CNTNAP1: variants seen among roughly 807,000 people sequenced by gnomAD.
CNTNAP1 encodes contactin-associated protein 1.
Under a neutral mutation model 161.5 loss-of-function variants are expected in CNTNAP1, and 80 were observed. The ratio of observed to expected loss-of-function variants is 0.50; its 90% CI spans 0.41 to 0.60. CNTNAP1 has a LOEUF of 0.60. Ranked by LOEUF, CNTNAP1 falls within the 20% of genes least tolerant of loss-of-function variation. The pLI is 0.00. For missense variants in CNTNAP1, 1,464 were observed against 1,854.8 expected (o/e 0.79, Z 3.87); for synonymous variants, 695 against 733.1 (o/e 0.95, Z 0.84).
rs778473430 is a variant in CNTNAP1, at chr17:42,698,703, T to C, written c.3948T>C (p.His1316=). ...ATCATCGCTATAAGGGCTCCTACCA[T>C]ACCAATGAGCCCAAGGCTGCCCACG... ...LQNHRYKGSY[H]TNEPKAAHEY... is the part of the protein sequence containing the mutation. The change falls in exon 24 of 24, where the codon CAT becomes CAC. Residue 1316 remains histidine (H), a synonymous_variant. Coordinates refer to ENST00000264638, the MANE Select transcript of CNTNAP1 (RefSeq NM_003632.3). 1.9e-6 allele frequency: 3 copies of C among 1,613,560 alleles called. No homozygotes were observed. The highest frequency in any genetic ancestry group is 2.5e-6 in the Non-Finnish European group (3 of 1,179,830).
In CNTNAP1 at chr17:42,698,823, C is replaced by A. The variant is rs756754465; in HGVS notation, c.4068C>A (p.Ala1356=). 1.2e-5 allele frequency: 20 copies of A among 1,603,014 alleles called. No homozygotes were observed. The highest frequency in any genetic ancestry group is 1.7e-5 in the Non-Finnish European group (20 of 1,178,834). Reference sequence around the variant, plus strand: ...CTCCCAACCAAGCTCCAGCCTCAGCCCCAGCCCCAGCCCCAACTCCAGCCC... The same window carrying A: ...CTCCCAACCAAGCTCCAGCCTCAGCACCAGCCCCAGCCCCAACTCCAGCCC... The part of the protein sequence containing the change: ...TAAPNQAPAS[A]PAPAPTPAPA... The change falls in exon 24 of 24, where the codon GCC becomes GCA. Residue 1356 remains alanine, a synonymous_variant. Coordinates refer to ENST00000264638, the MANE Select transcript of CNTNAP1 (RefSeq NM_003632.3).
Position 42,686,076 on chromosome 17 carries a change from C to G in CNTNAP1, c.835C>G (p.Leu279Val), listed in dbSNP as rs1567970220. Residue 279 changes from leucine (L) to valine (V), a missense_variant, in exon 6 of 24, where the codon CTG becomes GTG. Around this residue, in one of 3 missense-constraint regions of CNTNAP1, gnomAD observed 1,383 missense variants for 1,765.0 expected, o/e 0.78. Coordinates refer to ENST00000264638, the MANE Select transcript of CNTNAP1 (RefSeq NM_003632.3). ...ATTTGGCCGCGATGTAAATTTCACC[C>G]TGGACGGCTATGTGCAGCGCTTTAT... ...DRFGRDVNFTLDGYVQRFILN... is the reference protein window; with the variant it reads ...DRFGRDVNFTVDGYVQRFILN... 2.5e-6 allele frequency: 4 copies of G among 1,614,192 alleles called. No individual in the cohort carries two copies. The highest frequency in any genetic ancestry group is 3.4e-6 in the Non-Finnish European group (4 of 1,180,036).
rs2053116726 is a variant in CNTNAP1, at chr17:42,693,425, T to C, written c.2881T>C (p.Cys961Arg). ...TACCTCACCCAACTGCACAGGCCAC[T>C]GTGCCCACCCTCGGCTCCCCTGTTT... ...EGTSPNCTGH[C>R]AHPRLPCFHG... The change falls in exon 18 of 24, where the codon TGT becomes CGT. Residue 961 changes from cysteine (C) to arginine (R), a missense_variant. Physicochemically the swap from Cys to Arg is radical, Grantham distance 180. This residue lies in a region of CNTNAP1 where 1,383 missense variants were observed against 1,765.0 expected (regional missense o/e 0.78). Transcript: ENST00000264638. The C allele has an allele frequency of 1.9e-6, 3 of 1,614,230 alleles. No homozygotes were observed. The highest frequency in any genetic ancestry group is 2.5e-6 in the Non-Finnish European group (3 of 1,180,042).
At position 42,688,778 on chromosome 17, in the gene CNTNAP1, C is replaced by G. The variant is rs1009758862; in HGVS notation, c.1457-98C>G. 2.0e-6 allele frequency: 3 copies of G among 1,536,238 alleles called. No homozygotes were observed. In the African/African-American group the frequency reaches 4.1e-5, roughly 21 times the overall value. On this transcript the variant is annotated intron_variant, in intron 9 of 23. Transcript: ENST00000264638. ...GCCATCTACACTTTGGTTGTAGTCC[C>G]CTTTCTTCCTTTATGTCTGGCTCCC...
Position 42,691,722 on chromosome 17 carries a change from C to A in CNTNAP1, c.2345-84C>A, listed in dbSNP as rs2053088409. ...CCTCAAACCCTCCCCCTTTGCCCAA[C>A]CTTCCCTGCCCCCAACCCCAGGTTC... On this transcript the variant is annotated intron_variant, in intron 15 of 23. Coordinates refer to ENST00000264638, the MANE Select transcript of CNTNAP1 (RefSeq NM_003632.3). The surrounding 1 kb of genome is among the most constrained non-coding windows in gnomAD (Gnocchi z 4.3). The A allele has an allele frequency of 3.0e-5, 44 of 1,475,904 alleles. No homozygotes were observed. In the South Asian group the frequency reaches 4.8e-4, roughly 16 times the overall value. 91.4% of individuals were successfully genotyped at this position (1,475,904 alleles called of 1,614,324 possible).
At chr17:42,695,490 G>T in intron 18 of CNTNAP1, 31 bp from the exon 19 acceptor site, 1 of 1,548,646 alleles carries the variant, frequency 6.5e-7, no homozygotes, top group South Asian at 1.2e-5. Context: ...GAGCAGTGTG[G>T]GGGCCCTAAC....
At chr17:42,698,049 G>A in intron 23 of CNTNAP1, 99 bp downstream of exon 23, 1 of 1,311,994 alleles carries the variant, frequency 7.6e-7, no homozygotes, top group East Asian at 2.3e-5. Context: ...GGATGGCAAA[G>A]GCACTAGATG....
rs565566830 is a variant in CNTNAP1, at chr17:42,695,588, A to T, written c.3060A>T (p.Ala1020=). ...RYNLQSALRS[A]AREFSHMLSR... ...ACCTACAGTCAGCGCTGCGCTCTGC[A>T]GCCAGGGAGTTCTCCCACATGCTGA... The change falls in exon 19 of 24, where the codon GCA becomes GCT. Residue 1020 remains alanine (A), a synonymous_variant. Transcript: ENST00000264638. The T allele has an allele frequency of 6.2e-7, 1 of 1,614,168 alleles. No homozygotes were observed. The highest frequency in any genetic ancestry group is 8.5e-7 in the Non-Finnish European group (1 of 1,180,024).
At chr17:42,690,713 A>C (rs1040700184) in intron 12 of CNTNAP1, 26 bp from the exon 13 acceptor site, 14 of 1,605,084 alleles carry the variant, frequency 8.7e-6, no homozygotes, top group Non-Finnish European at 1.2e-5. Flanking sequence ...ACTCCAGCCA[A>C]AGCTCTGTCC....
At chr17:42,686,458 GA>G (rs895531807) in intron 6 of CNTNAP1, among the ~76,000 whole-genome samples, 110 of 133,180 alleles carry the variant, frequency 8.3e-4, no homozygotes, top group African/African-American at 3.0e-3. Context: ...CCACTCACCA[GA>G]AAAAGGCCTG....
rs2052997750 is a variant in CNTNAP1 at position 42,685,757 on chromosome 17, C to T, written c.716-200C>T. ...ACACCCGCACATGAAATAGAAGCAG[C>T]TCATGTGTTCCCAGTTTTACAGACA... On this transcript the variant is annotated intron_variant, in intron 5 of 23. Transcript: ENST00000264638. This position sits in a 1 kb window ranked among gnomAD's most constrained non-coding sequence, Gnocchi z 5.0. Among the ~76,000 whole-genome samples the T allele has an allele frequency of 1.3e-5, 2 of 152,224 alleles. No individual in the cohort carries two copies. Among genetic ancestry groups the T allele is most frequent in the East Asian group, 1.9e-4 (1 of 5,202 alleles).
In CNTNAP1 at chr17:42,685,389, G is replaced by A; in HGVS notation, c.684G>A (p.Glu228=). ...GCGACTACGTGACGCTCGAGCTGGA[G>A]GGGGCACACCTGCTGCTGCACATGA... ...AQGDYVTLEL[E]GAHLLLHMSL... Residue 228 remains glutamate (E), a synonymous_variant, in exon 5 of 24, where the codon GAG becomes GAA. Coordinates refer to ENST00000264638, the MANE Select transcript of CNTNAP1 (RefSeq NM_003632.3). The surrounding 1 kb of genome is among the most constrained non-coding windows in gnomAD (Gnocchi z 5.0). 6.2e-7 allele frequency: 1 copy of A among 1,604,740 alleles called. No individual in the cohort carries two copies. Among genetic ancestry groups the A allele is most frequent in the Non-Finnish European group, 8.5e-7 (1 of 1,179,938 alleles).
chr17:42,695,425 GAAGT>G (rs924401523), intron 18 of CNTNAP1, 92 bp from the exon 19 acceptor site: 2 of 992,406 alleles, frequency 2.0e-6, no homozygotes, highest in African/African-American at 1.6e-5. Context: ...GGCAGAAACT[GAAGT>G]AAGTCTCAGG....
At position 42,682,786 on chromosome 17, in the gene CNTNAP1, G is replaced by T. The variant is rs377623206; in HGVS notation, c.-44G>T. ...CCAAGCCAGAACTCGAGCCCTAGCC[G>T]GAGCCGTTCACAGGGAGGCGGCTGC... On this transcript the variant is annotated 5_prime_UTR_variant, in exon 1 of 24. Coordinates refer to ENST00000264638, the MANE Select transcript of CNTNAP1 (RefSeq NM_003632.3). 3 of 1,543,606 alleles carry T rather than the reference G, an allele frequency of 1.9e-6. No homozygotes were observed. In the African/African-American group the frequency reaches 4.1e-5, roughly 21 times the overall value.
At position 42,691,073 on chromosome 17, in the gene CNTNAP1, G is replaced by A. The variant is rs570981707; in HGVS notation, c.2060-64G>A. 15 of 1,600,134 alleles carry A rather than the reference G, an allele frequency of 9.4e-6. No homozygotes were observed. The Admixed American group carries it at 1.9e-4, about 20-fold the overall frequency. On this transcript the variant is annotated intron_variant, in intron 13 of 23. Coordinates refer to ENST00000264638, the MANE Select transcript of CNTNAP1 (RefSeq NM_003632.3). This position sits in a 1 kb window ranked among gnomAD's most constrained non-coding sequence, Gnocchi z 4.3. ...GGAGGGGTCTGAACTCGCTGGAAGG[G>A]CGAGAGGAGCCCAGAGGCTAATGGA...
Position 42,687,715 on chromosome 17 carries a change from C to G in CNTNAP1, c.1045-5C>G. On this transcript the variant is annotated splice_region_variant and splice_polypyrimidine_tract_variant and intron_variant, in intron 7 of 23. Coordinates refer to ENST00000264638, the MANE Select transcript of CNTNAP1 (RefSeq NM_003632.3). This position sits in a 1 kb window ranked among gnomAD's most constrained non-coding sequence, Gnocchi z 4.7. ...GTGTTGATGCGTCTTCACTTTTGCC[C>G]CTAGGGTAAGGTGGCTTTTCGTTGC... The G allele has an allele frequency of 1.2e-6, 2 of 1,613,636 alleles. No individual in the cohort carries two copies. Among genetic ancestry groups the G allele is most frequent in the Non-Finnish European group, 1.7e-6 (2 of 1,179,672 alleles).
At chr17:42,692,052 G>A (rs2053094321) in intron 16 of CNTNAP1, 61 bp downstream of exon 16, 2 of 1,546,328 alleles carry the variant, frequency 1.3e-6, no homozygotes, top group African/African-American at 2.7e-5. Context: ...GGGGAGACAG[G>A]GGTAGGCTGG....
rs1297158657 is a variant in CNTNAP1 at position 42,691,860 on chromosome 17, C to A, written c.2399C>A (p.Pro800Gln). Reference sequence around the variant, plus strand: ...ACCGGGGCTGCACTACGCTTCCCCCCAATCCGTGCCAACCACAGCCTGGAT... The same window carrying A: ...ACCGGGGCTGCACTACGCTTCCCCCAAATCCGTGCCAACCACAGCCTGGAT... ...FHTGAALRFP[P>Q]IRANHSLDVS... Residue 800 changes from proline (P) to glutamine (Q), a missense_variant, in exon 16 of 24, where the codon CCA becomes CAA. Around this residue, in one of 3 missense-constraint regions of CNTNAP1, gnomAD observed 1,383 missense variants for 1,765.0 expected, o/e 0.78. Transcript: ENST00000264638. The surrounding 1 kb of genome is among the most constrained non-coding windows in gnomAD (Gnocchi z 4.3). The A allele has an allele frequency of 7.4e-6, 12 of 1,614,158 alleles. No individual in the cohort carries two copies. Among genetic ancestry groups the A allele is most frequent in the South Asian group, 1.1e-5 (1 of 91,078 alleles).
Position 42,699,416 on chromosome 17 carries a change from C to G in CNTNAP1, c.*506C>G, listed in dbSNP as rs1225884889. On this transcript the variant is annotated 3_prime_UTR_variant, in exon 24 of 24. Transcript: ENST00000264638. ...CCACTCAGCTGGAGGCTCAAGAGGG[C>G]TTGATGGCTGTCCCCTGCCCCCCTC... The G allele has an allele frequency of 6.5e-6, 1 of 153,540 alleles. No individual in the cohort carries two copies. The highest frequency in any genetic ancestry group is 1.5e-5 in the Non-Finnish European group (1 of 68,644). The allele number at this position is 153,540 out of a possible 1,614,324, so 9.5% of individuals were successfully genotyped here.
Sources: allele counts gnomAD v4.1 joint callset (sites outside exome capture counted in the v4.1 genomes callset), GRCh38; gene constraint gnomAD v4.1.1; regional missense constraint gnomAD v4.1.1; non-coding constraint Gnocchi (gnomAD v3.1); transcripts MANE v1.5; gene names NCBI Gene and HGNC (gene_info 2026-07-23, HGNC 2026-07-21).